PPA2: variants seen among roughly 807,000 people sequenced by gnomAD.
PPA2 encodes the protein inorganic pyrophosphatase 2.
PPA2 carries 48 observed loss-of-function variants against 49.5 expected under a neutral mutation model. The ratio of observed to expected loss-of-function variants is 0.97; its 90% CI spans 0.77 to 1.23. PPA2 has a LOEUF of 1.23. Among genes scored for constraint, PPA2 ranks in the 50% most tolerant of loss-of-function variants. The pLI, the probability that PPA2 is intolerant of heterozygous loss-of-function variation, is 0.00. For missense variants in PPA2, 429 were observed against 410.1 expected, an observed-to-expected ratio of 1.05 and a Z score of -0.40; for synonymous variants, 131 against 139.9, an observed-to-expected ratio of 0.94 and a Z score of 0.45.
chr4:105,468,912 C>T (rs1330148840), intron 1 of PPA2, among the ~76,000 whole-genome samples: 1 of 152,190 alleles, frequency 6.6e-6, no homozygotes, highest in African/African-American at 2.4e-5. Flanking sequence ...TATCAACACA[C>T]CCACAACCTC....
rs532613312 is a variant in PPA2 at position 105,422,048 on chromosome 4, A to C, written c.655+2148T>G. ...GCAGAGAGAGACTGCCTCAAAAAAA[A>C]ACTACCAAACTTATTTTATAAAATC... On this transcript the variant is annotated intron_variant, in intron 7 of 11. Coordinates refer to ENST00000341695, the MANE Select transcript of PPA2 (RefSeq NM_176869.3). 6.6e-5 allele frequency among the ~76,000 whole-genome samples: 10 copies of C among 152,282 alleles called. No homozygotes were observed. In the South Asian group the frequency reaches 2.1e-3, roughly 32 times the overall value.
intron 7 of PPA2, among the ~76,000 whole-genome samples, chr4:105,412,893 A>T (rs1197096581): frequency 6.6e-6 from 1 of 152,238 alleles, no homozygotes; most frequent in Non-Finnish European, 1.5e-5. Flanking sequence ...TGGGAGTGTA[A>T]ATTAGTTCAA....
chr4:105,396,130 G>T, intron 9 of PPA2, 119 bp downstream of exon 9: 1 of 538,208 alleles, frequency 1.9e-6, no homozygotes, highest in Non-Finnish European at 3.2e-6. Flanking sequence ...CCAATGAATA[G>T]GTAGATAATC....
At position 105,374,938 on chromosome 4, in the gene PPA2, C is replaced by T. The variant is rs115398240; in HGVS notation, c.940-4065G>A. Among the ~76,000 whole-genome samples the T allele has an allele frequency of 9.6e-3, 1,454 of 151,276 alleles. 21 individuals are homozygous for T. Among genetic ancestry groups the T allele is most frequent in the African/African-American group, 0.033 (1,367 of 41,200 alleles). ...AACTCCTGAACTCAATTGATCTACC[C>T]GCCTCGGTCTCCTTAAGTGCTGGGA... On this transcript the variant is annotated intron_variant, in intron 10 of 11. Transcript: ENST00000341695.
At chr4:105,407,441 A>C (rs1016545604) in intron 7 of PPA2, among the ~76,000 whole-genome samples, 3 of 152,220 alleles carry the variant, frequency 2.0e-5, no homozygotes, top group African/African-American at 7.2e-5. Flanking sequence ...AGTTTCTTAC[A>C]ATGTTAAACA....
intron 1 of PPA2, among the ~76,000 whole-genome samples, chr4:105,469,707 A>C (rs552029792): frequency 1.3e-5 from 2 of 152,352 alleles, no homozygotes; most frequent in African/African-American, 4.8e-5. Flanking sequence ...AAAACGTTTA[A>C]GGTTTTAAGG....
chr4:105,380,897 A>G (rs1733462595), intron 10 of PPA2, among the ~76,000 whole-genome samples: 1 of 152,088 alleles, frequency 6.6e-6, no homozygotes, highest in Non-Finnish European at 1.5e-5. Flanking sequence ...TGTCTCTGTA[A>G]GATGTGTACC....
At chr4:105,435,174 A>C (rs894892455) in intron 6 of PPA2, among the ~76,000 whole-genome samples, 12 of 152,210 alleles carry the variant, frequency 7.9e-5, no homozygotes, top group Admixed American at 6.5e-5. Flanking sequence ...CTTACAGCTG[A>C]TTCAACCACT....
chr4:105,407,393 A>C (rs1409594720), intron 7 of PPA2, among the ~76,000 whole-genome samples: 2 of 152,246 alleles, frequency 1.3e-5, no homozygotes, highest in Non-Finnish European at 2.9e-5. Flanking sequence ...TGCTAGTAGA[A>C]TACAAAATGG....
chr4:105,448,692 C>T (rs114841987), intron 4 of PPA2, among the ~76,000 whole-genome samples: 3,091 of 151,824 alleles, frequency 0.02, 48 homozygotes, highest in Middle Eastern at 0.062. Context: ...AGAATTGAGT[C>T]CTAATAAATT....
rs1734141736 is a variant in PPA2 at position 105,396,303 on chromosome 4, T to C, written c.815A>G (p.His272Arg). ...CATAAGCAATGCTTTCCAACATTGATGAGTGGATTTAATAACTTCAAGAGC... is the reference window on the plus strand; with the variant it reads ...CATAAGCAATGCTTTCCAACATTGACGAGTGGATTTAATAACTTCAAGAGC... ...AFALEVIKST[H>R]QCWKALLMKK... Residue 272 changes from histidine (H) to arginine (R), a missense_variant, in exon 9 of 12, where the codon CAT (histidine) becomes CGT (arginine). Physicochemically the swap from His to Arg is conservative, Grantham distance 29. Coordinates refer to ENST00000341695, the MANE Select transcript of PPA2 (RefSeq NM_176869.3). 1 of 1,598,812 alleles carries C rather than the reference T, an allele frequency of 6.3e-7. No individual in the cohort carries two copies. Among genetic ancestry groups the C allele is most frequent in the Non-Finnish European group, 8.5e-7 (1 of 1,173,356 alleles).
chr4:105,379,980 C>T (rs1733421039), intron 10 of PPA2, among the ~76,000 whole-genome samples: 1 of 152,148 alleles, frequency 6.6e-6, no homozygotes, highest in Admixed American at 6.6e-5. Context: ...TCTTGCTAAG[C>T]TCACTTATTC....
intron 7 of PPA2, among the ~76,000 whole-genome samples, chr4:105,422,142 C>T (rs976139250): frequency 6.6e-6 from 1 of 152,116 alleles, no homozygotes; most frequent in African/African-American, 2.4e-5. Flanking sequence ...TTAAAATAAA[C>T]AATTTTCATT....
intron 8 of PPA2, among the ~76,000 whole-genome samples, chr4:105,396,947 C>A (rs1734174322): frequency 6.6e-6 from 1 of 152,102 alleles, no homozygotes; most frequent in African/African-American, 2.4e-5. Context: ...TTTAGACTAT[C>A]CACTGTCTGA....
chr4:105,445,601 T>G (rs567565289), intron 5 of PPA2, among the ~76,000 whole-genome samples: 1 of 152,186 alleles, frequency 6.6e-6, no homozygotes, highest in Non-Finnish European at 1.5e-5. Flanking sequence ...TGAAATTTCA[T>G]GCAAAATATT....
chr4:105,433,394 C>T lies in PPA2; in HGVS notation c.528+4556G>A, dbSNP rs116355817. Among the ~76,000 whole-genome samples the T allele has an allele frequency of 2.7e-3, 411 of 152,224 alleles. 2 individuals carry two copies. Among genetic ancestry groups the T allele is most frequent in the African/African-American group, 9.2e-3 (383 of 41,544 alleles). The stretch of plus-strand genomic sequence containing the variant: ...CCTTAGTCTCCAAATTACAGGTAAA[C>T]AACTAAGCTGCTTCCACTCCAAAAT... On this transcript the variant is annotated intron_variant, in intron 6 of 11. Coordinates refer to ENST00000341695, the MANE Select transcript of PPA2 (RefSeq NM_176869.3).
At chr4:105,447,730 T>C (rs977274467) in intron 4 of PPA2, among the ~76,000 whole-genome samples, 16 of 130,948 alleles carry the variant, frequency 1.2e-4, no homozygotes, top group African/African-American at 4.4e-4. Flanking sequence ...GTTAGTTTTC[T>C]TTTTTCTTTT....
chr4:105,395,848 TTA>T (rs1734117746), intron 9 of PPA2, among the ~76,000 whole-genome samples: 1 of 152,172 alleles, frequency 6.6e-6, no homozygotes. Flanking sequence ...AATTAAATGT[TTA>T]TGTTACTGTT....
At chr4:105,397,976 T>G (rs979381593) in intron 8 of PPA2, among the ~76,000 whole-genome samples, 2 of 152,130 alleles carry the variant, frequency 1.3e-5, no homozygotes, top group Non-Finnish European at 2.9e-5. Context: ...GGCTCTATAT[T>G]TTAAATAGCA....
Sources: allele counts gnomAD v4.1 joint callset (sites outside exome capture counted in the v4.1 genomes callset), GRCh38; gene constraint gnomAD v4.1.1; transcripts MANE v1.5; gene names NCBI Gene and HGNC (gene_info 2026-07-23, HGNC 2026-07-21).